KCNB2: variants seen among roughly 807,000 people sequenced by gnomAD.
The protein encoded by KCNB2 is delayed rectifier potassium channel protein.
In KCNB2, 15 loss-of-function variants were observed where a neutral mutation model predicts 61.5. That is an observed-to-expected ratio of 0.24 (90% CI 0.16 to 0.38). The LOEUF is 0.38. KCNB2 is among the 10% of genes least tolerant of loss of function. The pLI, the probability that KCNB2 is intolerant of heterozygous loss-of-function variation, is 1.00. For missense variants in KCNB2, 828 were observed against 1,125.2 expected, an observed-to-expected ratio of 0.74 and a Z score of 3.78; for synonymous variants, 457 against 446.0, an observed-to-expected ratio of 1.02 and a Z score of -0.31.
intron 2 of KCNB2, among the ~76,000 whole-genome samples, chr8:72,927,400 A>G (rs537948934): frequency 1.0e-3 from 154 of 152,050 alleles, no homozygotes; most frequent in African/African-American, 3.7e-3. Context: ...CCTCCTGAGT[A>G]GTTGGGATTA....
At chr8:72,692,421 G>C (rs1382815831) in intron 2 of KCNB2, among the ~76,000 whole-genome samples, 4 of 152,020 alleles carry the variant, frequency 2.6e-5, no homozygotes, top group Non-Finnish European at 5.9e-5. Flanking sequence ...GAGATATTTG[G>C]TTAGTGGGAA....
At chr8:72,796,184 G>A (rs1217621874) in intron 2 of KCNB2, among the ~76,000 whole-genome samples, 1 of 152,144 alleles carries the variant, frequency 6.6e-6, no homozygotes, top group East Asian at 1.9e-4. Context: ...GGAAATATTT[G>A]TTCAGGTTTG....
rs761118070 is a variant in KCNB2 at position 72,872,876 on chromosome 8, G to A, written c.580-63059G>A. ...ACATTTCTCTGTGTGGGCCAGCTCT[G>A]TCCTACTATCCTGAATCTCCTCAAA... On this transcript the variant is annotated intron_variant, in intron 2 of 2. Transcript: ENST00000523207. 2.6e-5 allele frequency among the ~76,000 whole-genome samples: 4 copies of A among 152,184 alleles called. No homozygotes were observed. The South Asian group carries it at 8.3e-4, about 32-fold the overall frequency.
intron 2 of KCNB2, among the ~76,000 whole-genome samples, chr8:72,790,203 T>C (rs964365682): frequency 1.3e-5 from 2 of 152,108 alleles, no homozygotes; most frequent in African/African-American, 4.8e-5. Context: ...TGGAACCAAT[T>C]ATCCATAGGC....
chr8:72,795,221 C>T (rs1339603463), intron 2 of KCNB2, among the ~76,000 whole-genome samples: 2 of 152,150 alleles, frequency 1.3e-5, no homozygotes, highest in Admixed American at 1.3e-4. Flanking sequence ...ACAAAGTAGA[C>T]AAATAGTGAC....
rs143682931 is a variant in KCNB2 at position 72,699,445 on chromosome 8, G to T, written c.579+131132G>T. Among the ~76,000 whole-genome samples the T allele has an allele frequency of 1.2e-4, 18 of 151,536 alleles. No homozygotes were observed. The South Asian group carries it at 1.7e-3, about 14-fold the overall frequency. ...TGCCCACTTTTTGATGGGGTTGTTTGTTTTTTTTCTTGTAAATTTGTTTAA... is the reference window on the plus strand; with the variant it reads ...TGCCCACTTTTTGATGGGGTTGTTTTTTTTTTTTCTTGTAAATTTGTTTAA... On this transcript the variant is annotated intron_variant, in intron 2 of 2. Coordinates refer to ENST00000523207, the MANE Select transcript of KCNB2 (RefSeq NM_004770.3).
intron 2 of KCNB2, among the ~76,000 whole-genome samples, chr8:72,679,252 T>A (rs966510252): frequency 6.6e-6 from 1 of 152,230 alleles, no homozygotes; most frequent in Non-Finnish European, 1.5e-5. Flanking sequence ...AAACGCAACA[T>A]CCAACTTTTA....
intron 2 of KCNB2, among the ~76,000 whole-genome samples, chr8:72,818,437 G>A (rs1809440534): frequency 6.6e-6 from 1 of 152,118 alleles, no homozygotes; most frequent in Non-Finnish European, 1.5e-5. Flanking sequence ...AACTTGATCT[G>A]TGACCTTGAG....
At chr8:72,830,637 T>C (rs1809679192) in intron 2 of KCNB2, among the ~76,000 whole-genome samples, 1 of 152,230 alleles carries the variant, frequency 6.6e-6, no homozygotes, top group African/African-American at 2.4e-5. Context: ...TTTCATGGTT[T>C]ATGGAATGCT....
At chr8:72,865,690 A>G (rs1164941691) in intron 2 of KCNB2, among the ~76,000 whole-genome samples, 1 of 152,198 alleles carries the variant, frequency 6.6e-6, no homozygotes, top group African/African-American at 2.4e-5. Context: ...AGAGTTGCCA[A>G]CACACTAAAC....
In KCNB2 at chr8:72,628,049, G is replaced by A. The variant is rs547964214; in HGVS notation, c.579+59736G>A. ...GCCCACTGCCACCTCCACCTCCCAG[G>A]TTCAAACGATTCTCCTGCCTCAGCC... On this transcript the variant is annotated intron_variant, in intron 2 of 2. Transcript: ENST00000523207. 1.2e-3 allele frequency among the ~76,000 whole-genome samples: 188 copies of A among 152,178 alleles called. 1 individual carries two copies. The highest frequency in any genetic ancestry group is 2.1e-3 in the Non-Finnish European group (146 of 68,008).
chr8:72,810,432 G>A (rs1278007153), intron 2 of KCNB2, among the ~76,000 whole-genome samples: 3 of 152,218 alleles, frequency 2.0e-5, no homozygotes, highest in Non-Finnish European at 4.4e-5. Context: ...TGTGGTGGAG[G>A]CTTTGTCTCT....
chr8:72,784,455 C>T (rs920823078), intron 2 of KCNB2, among the ~76,000 whole-genome samples: 2 of 152,162 alleles, frequency 1.3e-5, no homozygotes, highest in African/African-American at 4.8e-5. Context: ...CTATAAAGAA[C>T]TTCCTGAGAC....
intron 2 of KCNB2, among the ~76,000 whole-genome samples, chr8:72,725,607 A>ATATG (rs1807636529): frequency 2.4e-5 from 3 of 123,300 alleles, no homozygotes; most frequent in African/African-American, 3.7e-5. Flanking sequence ...ATATATATAT[A>ATATG]TATATATATA....
chr8:72,833,135 G>T (rs1809726155), intron 2 of KCNB2, among the ~76,000 whole-genome samples: 1 of 152,172 alleles, frequency 6.6e-6, no homozygotes, highest in East Asian at 1.9e-4. Flanking sequence ...GAGCATTGAA[G>T]GTAACGTTGG....
chr8:72,678,378 T>G (rs1207523262), intron 2 of KCNB2, among the ~76,000 whole-genome samples: 1 of 152,204 alleles, frequency 6.6e-6, no homozygotes, highest in Non-Finnish European at 1.5e-5. Context: ...CAGGTCCTCA[T>G]AGAGTCCTGC....
chr8:72,614,608 T>C (rs190020907), intron 2 of KCNB2, among the ~76,000 whole-genome samples: 10 of 152,324 alleles, frequency 6.6e-5, no homozygotes, highest in African/African-American at 2.2e-4. Context: ...TTCTCTGTGC[T>C]GAAGAGTAGG....
intron 2 of KCNB2, among the ~76,000 whole-genome samples, chr8:72,627,976 CAG>C (rs1805817389): frequency 6.6e-6 from 1 of 151,686 alleles, no homozygotes; most frequent in Admixed American, 6.6e-5. Context: ...TTCTTTGAGA[CAG>C]AGTCTTGCTC....
In KCNB2 at chr8:72,832,624, C is replaced by T. The variant is rs188376019; in HGVS notation, c.580-103311C>T. ...GCTGTAAAGGGTCTGAGACTTAACC[C>T]GCTTCCAAGCTATCAAGTTAGCATG... On this transcript the variant is annotated intron_variant, in intron 2 of 2. Transcript: ENST00000523207. Among the ~76,000 whole-genome samples, 99 of 152,240 alleles carry T rather than the reference C, an allele frequency of 6.5e-4. 1 individual carries two copies. Among genetic ancestry groups the T allele is most frequent in the African/African-American group, 2.3e-3 (94 of 41,556 alleles).
Sources: gnomAD v4.1 joint callset for allele counts (sites outside exome capture counted in the v4.1 genomes callset) on GRCh38, gnomAD v4.1.1 for gene constraint, MANE v1.5 for transcripts, NCBI Gene and HGNC (gene_info 2026-07-23, HGNC 2026-07-21) for gene names.